The following GDF1 variants were observed in gnomAD, a reference collection of about 807,000 sequenced individuals.
The protein encoded by GDF1 is embryonic growth/differentiation factor 1.
GDF1 carries 8 observed loss-of-function variants against 7.4 expected under a neutral mutation model. The observed-to-expected ratio is 1.09, with a 90% CI of 0.64 to 1.96. The LOEUF (loss-of-function observed/expected upper bound fraction) is 1.96, where lower values mean the gene tolerates loss of function less well. GDF1 is among the 30% of genes most tolerant of loss of function. The pLI is 0.00. For missense variants in GDF1, 574 were observed against 551.5 expected (o/e 1.04, Z -0.41); for synonymous variants, 311 against 276.7 (o/e 1.12, Z -1.23).
chr19:18,879,948 G>GTAT (rs1398319149), intron 4 of GDF1, among the ~76,000 whole-genome samples: 1 of 149,894 alleles, frequency 6.7e-6, no homozygotes, highest in Non-Finnish European at 1.5e-5. Flanking sequence ...GGCTTGCTCT[G>GTAT]TATTAGTCTA....
rs1206715320 is a variant in GDF1 at position 18,878,538 on chromosome 19, C to T, written c.-313+392G>A. On this transcript the variant is annotated intron_variant, in intron 6 of 7. Coordinates refer to ENST00000247005, the MANE Select transcript of GDF1 (RefSeq NM_001492.6). This position sits in a 1 kb window ranked among gnomAD's most constrained non-coding sequence, Gnocchi z 4.6. ...GCCCTTGGCGTTCCTTCCTCCCCAG[C>T]CCCACTGCCACCAGCTCCAGTGGCG... 6.8e-6 allele frequency: 7 copies of T among 1,032,178 alleles called. No individual in the cohort carries two copies. Among genetic ancestry groups the T allele is most frequent in the Non-Finnish European group, 8.2e-6 (7 of 857,216 alleles). The allele number at this position is 1,032,178 out of a possible 1,614,324, so 63.9% of individuals were successfully genotyped here.
chr19:18,870,149 G>A lies in GDF1; in HGVS notation c.159C>T (p.Pro53=), dbSNP rs755093676. The A allele has an allele frequency of 8.6e-5, 135 of 1,562,656 alleles. 1 individual carries two copies. The highest frequency in any genetic ancestry group is 7.0e-4 in the Middle Eastern group (4 of 5,754). Residue 53 remains proline (P), a synonymous_variant, in exon 7 of 8, where the codon CCC becomes CCT. Coordinates refer to ENST00000247005, the MANE Select transcript of GDF1 (RefSeq NM_001492.6). The surrounding 1 kb of genome is among the most constrained non-coding windows in gnomAD (Gnocchi z 5.1). ...LGLRDEPQGA[P]RLRPVPPVMW... ...TGACCGGGGGAACCGGCCGGAGCCT[G>A]GGGGCACCCTGGGGCTCATCGCGCA...
At position 18,880,285 on chromosome 19, in the gene GDF1, G is replaced by C. The variant is rs566462746; in HGVS notation, c.-582C>G. The C allele has an allele frequency of 1.9e-6, 3 of 1,550,664 alleles. No individual in the cohort carries two copies. The highest frequency in any genetic ancestry group is 1.2e-5 in the South Asian group (1 of 83,964). On this transcript the variant is annotated 5_prime_UTR_variant, in exon 4 of 8. Coordinates refer to ENST00000247005, the MANE Select transcript of GDF1 (RefSeq NM_001492.6). ...TCCCTACCACTCACCAGCTGAAGCC[G>C]AAGCTGAGGCAGCCCAAGTCTGCTG...
chr19:18,872,747 C>T (rs2055997110), intron 6 of GDF1, among the ~76,000 whole-genome samples: 2 of 147,010 alleles, frequency 1.4e-5, no homozygotes, highest in South Asian at 2.2e-4. Flanking sequence ...AACTCCTGAC[C>T]TCAGGTGATC....
In GDF1 at chr19:18,895,468, C is replaced by T. The variant is rs968560324; in HGVS notation, c.-1074+356G>A. Among the ~76,000 whole-genome samples the T allele has an allele frequency of 7.9e-5, 12 of 152,024 alleles. No individual in the cohort carries two copies. The highest frequency in any genetic ancestry group is 1.5e-4 in the Non-Finnish European group (10 of 67,982). On this transcript the variant is annotated intron_variant, in intron 1 of 7. Coordinates refer to ENST00000247005, the MANE Select transcript of GDF1 (RefSeq NM_001492.6). The surrounding 1 kb of genome is among the most constrained non-coding windows in gnomAD (Gnocchi z 6.4). The stretch of plus-strand genomic sequence containing the variant: ...GCCGGAGCCATCCACCGCGCGGGGC[C>T]CCCTGGTCCCAAACTGACCGGAAAG...
rs752344406 is a variant in GDF1 at position 18,869,993 on chromosome 19, G to A, written c.315C>T (p.Ile105=). ...LGVAGNIVRH[I]PDRGAPTRAS... ...GAAAGCCCCACTCACCGCGGTCCGG[G>A]ATGTGGCGCACGATGTTTCCGGCGA... Residue 105 remains isoleucine, a synonymous_variant, in exon 7 of 8, where the codon ATC becomes ATT. Coordinates refer to ENST00000247005, the MANE Select transcript of GDF1 (RefSeq NM_001492.6). 2 of 1,593,432 alleles carry A rather than the reference G, an allele frequency of 1.3e-6. No homozygotes were observed. The highest frequency in any genetic ancestry group is 8.5e-7 in the Non-Finnish European group (1 of 1,171,570).
rs540175924 is a variant in GDF1 at position 18,872,804 on chromosome 19, G to A, written c.-312-2185C>T. 7.3e-5 allele frequency among the ~76,000 whole-genome samples: 11 copies of A among 150,850 alleles called. No homozygotes were observed. The South Asian group carries it at 1.3e-3, about 17-fold the overall frequency. On this transcript the variant is annotated intron_variant, in intron 6 of 7. Coordinates refer to ENST00000247005, the MANE Select transcript of GDF1 (RefSeq NM_001492.6). Reference sequence around the variant, plus strand: ...TGCTGGGATTACAGGCGTGAGCGCCGCGCCTGGCTAATTTTTATATTTTTA... The same window carrying A: ...TGCTGGGATTACAGGCGTGAGCGCCACGCCTGGCTAATTTTTATATTTTTA...
Position 18,895,703 on chromosome 19 carries a change from G to T in GDF1, c.-1074+121C>A. ...GCCCGAGGCCCCCACCCACGTTCCG[G>T]CGACCCCTTCATCCGCAGCAGCCAG... On this transcript the variant is annotated intron_variant, in intron 1 of 7. Coordinates refer to ENST00000247005, the MANE Select transcript of GDF1 (RefSeq NM_001492.6). This position sits in a 1 kb window ranked among gnomAD's most constrained non-coding sequence, Gnocchi z 6.4. The T allele has an allele frequency of 2.3e-6, 1 of 443,474 alleles. No individual in the cohort carries two copies. Among genetic ancestry groups the T allele is most frequent in the Non-Finnish European group, 3.3e-6 (1 of 303,120 alleles). The allele number at this position is 443,474 out of a possible 1,614,324, so 27.5% of individuals were successfully genotyped here. A position where few individuals can be genotyped will look rare whatever the true frequency, so the allele number is the denominator to read the frequency against.
At chr19:18,887,637 C>T (rs982220306) in intron 2 of GDF1, among the ~76,000 whole-genome samples, 1 of 150,916 alleles carries the variant, frequency 6.6e-6, no homozygotes, top group African/African-American at 2.4e-5. Context: ...CCCACCTACT[C>T]GAAGGCTGAG....
chr19:18,879,478 C>T lies in GDF1; in HGVS notation c.-570-90G>A, dbSNP rs1038711839. 54 of 1,443,596 alleles carry T rather than the reference C, an allele frequency of 3.7e-5. No individual in the cohort carries two copies. In the Admixed American group the frequency reaches 1.1e-3, roughly 29 times the overall value. 89.4% of individuals were successfully genotyped at this position (1,443,596 alleles called of 1,614,324 possible). The stretch of plus-strand genomic sequence containing the variant: ...TATCCCGTCCTAGACCCACCCTTGC[C>T]CCCTTATCCCATCCTTGCCCACCTC... On this transcript the variant is annotated intron_variant, in intron 4 of 7. Coordinates refer to ENST00000247005, the MANE Select transcript of GDF1 (RefSeq NM_001492.6).
intron 6 of GDF1, among the ~76,000 whole-genome samples, chr19:18,873,827 C>T (rs755413483): frequency 2.1e-5 from 3 of 144,180 alleles, no homozygotes; most frequent in African/African-American, 7.8e-5. Context: ...GGTGACAGAG[C>T]GAGACTCTGT....
In GDF1 at chr19:18,870,309, T is replaced by C. The variant is rs1029147591; in HGVS notation, c.-2A>G. On this transcript the variant is annotated 5_prime_UTR_variant, in exon 7 of 8. Transcript: ENST00000247005. This position sits in a 1 kb window ranked among gnomAD's most constrained non-coding sequence, Gnocchi z 5.1. ...GGGACCTTGCTGCGGCGGTGGCATC[T>C]TCCTCCCAGGCGATGACCAGAGAGT... The C allele has an allele frequency of 1.3e-6, 2 of 1,545,492 alleles. No individual in the cohort carries two copies. Among genetic ancestry groups the C allele is most frequent in the African/African-American group, 2.7e-5 (2 of 72,884 alleles).
chr19:18,874,461 G>A (rs960231987), intron 6 of GDF1, among the ~76,000 whole-genome samples: 2 of 152,154 alleles, frequency 1.3e-5, no homozygotes, highest in African/African-American at 4.8e-5. Context: ...GAGTCACCGT[G>A]CCCAGCCCAG....
chr19:18,875,116 GT>G (rs1430005040), intron 6 of GDF1, among the ~76,000 whole-genome samples: 1 of 151,936 alleles, frequency 6.6e-6, no homozygotes, highest in Non-Finnish European at 1.5e-5. Flanking sequence ...GGTGCCTGTG[GT>G]TCCAGCTACT....
intron 3 of GDF1, among the ~76,000 whole-genome samples, chr19:18,880,794 C>T (rs1470582682): frequency 6.6e-6 from 1 of 151,962 alleles, no homozygotes; most frequent in Non-Finnish European, 1.5e-5. Context: ...AACTCCTAGG[C>T]TCAAGTGATC....
At position 18,869,179 on chromosome 19, in the gene GDF1, C is replaced by T. The variant is rs1060504781; in HGVS notation, c.537G>A (p.Gly179=). ...QAGQGAGADP[G]PVLLRQLVPA... is the part of the protein sequence containing the mutation. ...GCACCAACTGGCGGAGCAGCACCGG[C>T]CCGGGGTCCGCGCCCGCGCCCTGGC... Residue 179 remains glycine, a synonymous_variant, in exon 8 of 8, where the codon GGG becomes GGA. Coordinates refer to ENST00000247005, the MANE Select transcript of GDF1 (RefSeq NM_001492.6). 2.8e-5 allele frequency: 33 copies of T among 1,161,942 alleles called. No homozygotes were observed. Among genetic ancestry groups the T allele is most frequent in the African/African-American group, 3.3e-5 (2 of 60,706 alleles). The allele number at this position is 1,161,942 out of a possible 1,614,324, so 72.0% of individuals were successfully genotyped here.
At chr19:18,893,104 G>A (rs1219581831) in intron 2 of GDF1, among the ~76,000 whole-genome samples, 3 of 151,970 alleles carry the variant, frequency 2.0e-5, no homozygotes, top group Non-Finnish European at 4.4e-5. Flanking sequence ...TAGTAGAGAC[G>A]GGGTTTCACC....
chr19:18,869,925 G>T, intron 7 of GDF1, 58 bp downstream of exon 7: 1 of 1,506,642 alleles, frequency 6.6e-7, no homozygotes, highest in Non-Finnish European at 9.0e-7. Flanking sequence ...CACTCTCGAG[G>T]CTCGCCCTGC....
chr19:18,874,198 A>C (rs966843787), intron 6 of GDF1, among the ~76,000 whole-genome samples: 1 of 152,212 alleles, frequency 6.6e-6, no homozygotes, highest in African/African-American at 2.4e-5. Context: ...TGTTGGCCAG[A>C]TTATCAGTGC....
Sources: allele counts gnomAD v4.1 joint callset (sites outside exome capture counted in the v4.1 genomes callset), GRCh38; gene constraint gnomAD v4.1.1; non-coding constraint Gnocchi (gnomAD v3.1); transcripts MANE v1.5; gene names NCBI Gene and HGNC (gene_info 2026-07-23, HGNC 2026-07-21).